The following PDE3A variants were observed in gnomAD, a reference collection of about 807,000 sequenced individuals.
PDE3A encodes phosphodiesterase 3A.
A neutral mutation model predicts 98.3 loss-of-function variants in PDE3A; 43 were observed. The observed-to-expected ratio is 0.44, with a 90% CI of 0.34 to 0.56. PDE3A has a LOEUF of 0.56. Ranked by LOEUF, PDE3A falls within the 20% of genes least tolerant of loss-of-function variation. The pLI is 0.01. For synonymous variants in PDE3A, 663 were observed against 567.9 expected (o/e 1.17, Z -2.38); for missense variants, 1,427 against 1,440.7 (o/e 0.99, Z 0.15).
chr12:20,374,036 G>C (rs865990820), intron 1 of PDE3A, among the ~76,000 whole-genome samples: 1 of 152,018 alleles, frequency 6.6e-6, no homozygotes, highest in Non-Finnish European at 1.5e-5. Context: ...TAATTAAATT[G>C]TAGCTTCTAC....
At chr12:20,408,647 G>T (rs1944277829) in intron 1 of PDE3A, among the ~76,000 whole-genome samples, 1 of 151,886 alleles carries the variant, frequency 6.6e-6, no homozygotes, top group Non-Finnish European at 1.5e-5. Flanking sequence ...TTTCCTTTCA[G>T]AGCTTTCTTC....
At chr12:20,602,388 G>A (rs1943612517) in intron 2 of PDE3A, among the ~76,000 whole-genome samples, 1 of 152,154 alleles carries the variant, frequency 6.6e-6, no homozygotes, top group African/African-American at 2.4e-5. Context: ...TGTTAACTTT[G>A]AGTTGTTACG....
chr12:20,581,753 CA>C (rs1943073259), intron 2 of PDE3A, among the ~76,000 whole-genome samples: 1 of 150,936 alleles, frequency 6.6e-6, no homozygotes, highest in Non-Finnish European at 1.5e-5. Flanking sequence ...GCTGGGACTA[CA>C]GGCGCCCGCC....
At chr12:20,470,652 T>C (rs1184165975) in intron 1 of PDE3A, among the ~76,000 whole-genome samples, 1 of 152,180 alleles carries the variant, frequency 6.6e-6, no homozygotes, top group Non-Finnish European at 1.5e-5. Context: ...ATGGGGTTTA[T>C]CTCTTTTCTT....
intron 1 of PDE3A, among the ~76,000 whole-genome samples, chr12:20,510,768 G>A (rs1946206395): frequency 6.6e-6 from 1 of 152,014 alleles, no homozygotes; most frequent in Non-Finnish European, 1.5e-5. Context: ...AGTTGAGGAA[G>A]ATTCCATAAT....
intron 1 of PDE3A, among the ~76,000 whole-genome samples, chr12:20,533,827 A>T (rs956697543): frequency 1.3e-5 from 2 of 152,090 alleles, no homozygotes; most frequent in African/African-American, 4.8e-5. Flanking sequence ...ATAAGTCTGA[A>T]CAAAGTAGTG....
At chr12:20,486,096 G>T (rs1945722889) in intron 1 of PDE3A, among the ~76,000 whole-genome samples, 1 of 152,010 alleles carries the variant, frequency 6.6e-6, no homozygotes, top group South Asian at 2.1e-4. Flanking sequence ...AAAATATATT[G>T]CCTTGACATT....
chr12:20,447,377 T>C (rs992765512), intron 1 of PDE3A, among the ~76,000 whole-genome samples: 1 of 152,238 alleles, frequency 6.6e-6, no homozygotes, highest in Non-Finnish European at 1.5e-5. Context: ...GGCCCCTTTG[T>C]AACTTCTGGA....
In PDE3A at chr12:20,581,676, G is replaced by A. The variant is rs1317211308; in HGVS notation, c.1011+24966G>A. ...CGCCCAGGCTGGAGTACAGTGGCAC[G>A]ATCTCGGCTCACTGCAAGCTCCGCC... On this transcript the variant is annotated intron_variant, in intron 2 of 15. Coordinates refer to ENST00000359062, the MANE Select transcript of PDE3A (RefSeq NM_000921.5). 4.9e-5 allele frequency among the ~76,000 whole-genome samples: 7 copies of A among 143,684 alleles called. No individual in the cohort carries two copies. In the East Asian group the frequency reaches 1.4e-3, roughly 30 times the overall value. 94.3% of individuals were successfully genotyped at this position (143,684 alleles called of 152,430 possible).
At chr12:20,435,561 A>G (rs1039377085) in intron 1 of PDE3A, among the ~76,000 whole-genome samples, 1 of 152,128 alleles carries the variant, frequency 6.6e-6, no homozygotes, top group Non-Finnish European at 1.5e-5. Context: ...TACTATTATT[A>G]TGGACAAGCT....
At chr12:20,393,341 A>G (rs779438614) in intron 1 of PDE3A, among the ~76,000 whole-genome samples, 10 of 151,962 alleles carry the variant, frequency 6.6e-5, no homozygotes, top group Non-Finnish European at 1.3e-4. Context: ...TTCTCCTTAT[A>G]AAACCATCAG....
At chr12:20,519,488 G>A (rs7488604) in intron 1 of PDE3A, among the ~76,000 whole-genome samples, 147,237 of 152,344 alleles carry the variant, frequency 0.97, 71,174 homozygotes, top group East Asian at 1. Flanking sequence ...ATATTTTACT[G>A]TGTGCTCATA....
At chr12:20,487,226 A>G (rs1265293881) in intron 1 of PDE3A, among the ~76,000 whole-genome samples, 9 of 152,134 alleles carry the variant, frequency 5.9e-5, no homozygotes, top group African/African-American at 2.2e-4. Context: ...TGACTTATAC[A>G]AATATGAATG....
intron 1 of PDE3A, among the ~76,000 whole-genome samples, chr12:20,390,166 A>T (rs541936297): frequency 1.3e-5 from 2 of 152,030 alleles, no homozygotes; most frequent in Admixed American, 1.3e-4. Flanking sequence ...ATGCTGGGAA[A>T]TTTTAAGAGG....
At chr12:20,407,023 G>A (rs948481562) in intron 1 of PDE3A, among the ~76,000 whole-genome samples, 1 of 152,034 alleles carries the variant, frequency 6.6e-6, no homozygotes. Flanking sequence ...GTTTATTTCT[G>A]GGCTCTCTGT....
At chr12:20,417,980 C>T (rs1213934345) in intron 1 of PDE3A, among the ~76,000 whole-genome samples, 1 of 151,738 alleles carries the variant, frequency 6.6e-6, no homozygotes, top group African/African-American at 2.4e-5. Context: ...ATGGGAGAGC[C>T]GGGATTGGAA....
intron 9 of PDE3A, 46 bp downstream of exon 9, chr12:20,637,283 G>T: frequency 7.0e-7 from 1 of 1,430,368 alleles, no homozygotes; most frequent in South Asian, 1.3e-5. Context: ...AGGAAAAACA[G>T]TTCCTTTGTT....
intron 2 of PDE3A, among the ~76,000 whole-genome samples, chr12:20,571,188 T>C (rs1228858678): frequency 6.6e-6 from 1 of 152,174 alleles, no homozygotes; most frequent in East Asian, 1.9e-4. Flanking sequence ...TGGGAGCTTA[T>C]ATTGTAAACT....
chr12:20,624,835 A>T (rs1386349178), intron 5 of PDE3A, among the ~76,000 whole-genome samples: 1 of 152,130 alleles, frequency 6.6e-6, no homozygotes, highest in African/African-American at 2.4e-5. Context: ...TGATGGAGCT[A>T]AGTGGTTGTG....
Sources: gnomAD v4.1 joint callset for allele counts (sites outside exome capture counted in the v4.1 genomes callset) on GRCh38, gnomAD v4.1.1 for gene constraint, MANE v1.5 for transcripts, NCBI Gene and HGNC (gene_info 2026-07-23, HGNC 2026-07-21) for gene names.